Variants in MAP3K1 observed in about 807,000 individuals in gnomAD.
MAP3K1 encodes the protein mitogen-activated protein kinase kinase kinase 1.
A neutral mutation model predicts 144.2 loss-of-function variants in MAP3K1; 36 were observed. That is an observed-to-expected ratio of 0.25 (90% CI 0.19 to 0.33). MAP3K1 has a LOEUF of 0.33. MAP3K1 is among the 10% of genes least tolerant of loss of function. MAP3K1 has a pLI of 1.00. For missense variants in MAP3K1, 1,650 were observed against 1,881.9 expected, an observed-to-expected ratio of 0.88 and a Z score of 2.28; for synonymous variants, 718 against 688.7, an observed-to-expected ratio of 1.04 and a Z score of -0.67.
chr5:56,842,781 T>C (rs1371696796), intron 1 of MAP3K1, among the ~76,000 whole-genome samples: 1 of 152,288 alleles, frequency 6.6e-6, no homozygotes, highest in Non-Finnish European at 1.5e-5. Context: ...ATATATTAAT[T>C]TATTTAATCC....
intron 6 of MAP3K1, among the ~76,000 whole-genome samples, chr5:56,871,199 A>G (rs761007149): frequency 4.5e-4 from 68 of 152,068 alleles, no homozygotes; most frequent in African/African-American, 1.5e-3. Flanking sequence ...GACCTCATTT[A>G]TGGATTTCTC....
intron 1 of MAP3K1, among the ~76,000 whole-genome samples, chr5:56,845,225 T>C (rs947470948): frequency 1.3e-5 from 2 of 152,250 alleles, no homozygotes; most frequent in African/African-American, 2.4e-5. Context: ...CAGACCACTT[T>C]CGTAAGTATG....
intron 2 of MAP3K1, 111 bp from the exon 3 acceptor site, chr5:56,859,604 A>G (rs1385981413): frequency 2.7e-6 from 2 of 748,874 alleles, no homozygotes; most frequent in Non-Finnish European, 4.6e-6. Context: ...GTATACTGGT[A>G]TAATATTTCA....
In MAP3K1 at chr5:56,882,542, C is replaced by G. The variant is rs1288201925; in HGVS notation, c.3342C>G (p.Thr1114=). The G allele has an allele frequency of 1.2e-6, 2 of 1,614,052 alleles. No individual in the cohort carries two copies. The highest frequency in any genetic ancestry group is 2.2e-5 in the South Asian group (2 of 91,080). ...AVIPSDETVF[T]PVEEKCRLDV... Reference sequence around the variant, plus strand: ...TACCCAGTGACGAGACAGTGTTCACCCCAGTAGAGGAGAAATGCAGATTAG... The same window carrying G: ...TACCCAGTGACGAGACAGTGTTCACGCCAGTAGAGGAGAAATGCAGATTAG... The change falls in exon 14 of 20, where the codon ACC becomes ACG. Residue 1114 remains threonine (T), a synonymous_variant. Transcript: ENST00000399503.
At chr5:56,861,743 TC>T (rs1246538682) in intron 3 of MAP3K1, among the ~76,000 whole-genome samples, 1 of 152,060 alleles carries the variant, frequency 6.6e-6, no homozygotes, top group African/African-American at 2.4e-5. Context: ...AAGCTAAACA[TC>T]AAAGAAATTT....
At chr5:56,835,925 T>C (rs1374424283) in intron 1 of MAP3K1, among the ~76,000 whole-genome samples, 1 of 152,126 alleles carries the variant, frequency 6.6e-6, no homozygotes, top group Non-Finnish European at 1.5e-5. Context: ...TTAGAAATGT[T>C]TGTGTTCTCT....
intron 6 of MAP3K1, 80 bp from the exon 7 acceptor site, chr5:56,871,830 C>T (rs999385805): frequency 5.3e-6 from 7 of 1,325,790 alleles, no homozygotes; most frequent in Middle Eastern, 1.9e-4. Flanking sequence ...ATATTCTAAG[C>T]AAGCAGAAAG....
intron 14 of MAP3K1, among the ~76,000 whole-genome samples, chr5:56,883,247 A>G (rs1266310620): frequency 6.6e-6 from 1 of 152,244 alleles, no homozygotes; most frequent in Non-Finnish European, 1.5e-5. Context: ...TGCTGCTTCT[A>G]ACATTCAGAA....
intron 1 of MAP3K1, among the ~76,000 whole-genome samples, chr5:56,844,415 G>T (rs576584947): frequency 6.6e-6 from 1 of 151,896 alleles, no homozygotes; most frequent in Non-Finnish European, 1.5e-5. Context: ...TCCTGACCTC[G>T]TGATCCGCCC....
chr5:56,889,140 C>G (rs1579787412), intron 19 of MAP3K1, among the ~76,000 whole-genome samples: 1 of 152,102 alleles, frequency 6.6e-6, no homozygotes, highest in South Asian at 2.1e-4. Flanking sequence ...ATCTTAAAAT[C>G]TAATTTACCA....
rs1746499939 is a variant in MAP3K1, at chr5:56,831,716, A to G, written c.482+15661A>G. 2.6e-5 allele frequency among the ~76,000 whole-genome samples: 4 copies of G among 152,244 alleles called. No homozygotes were observed. In the South Asian group the frequency reaches 8.3e-4, roughly 32 times the overall value. ...CTAATGCAAAAATTAAATGAATTCC[A>G]TGAGAATTCTTTTTTGACCTCACAA... is the stretch of plus-strand genomic sequence containing the variant. On this transcript the variant is annotated intron_variant, in intron 1 of 19. Coordinates refer to ENST00000399503, the MANE Select transcript of MAP3K1 (RefSeq NM_005921.2).
At chr5:56,819,504 T>G (rs1746090242) in intron 1 of MAP3K1, among the ~76,000 whole-genome samples, 1 of 152,078 alleles carries the variant, frequency 6.6e-6, no homozygotes. Context: ...ACTGGCTGTG[T>G]GCATCCCAAA....
rs1748620497 is a variant in MAP3K1, at chr5:56,893,735, A to C, written c.*55A>C. ...CAGGATGCTCAACAAGAGAAAAAAA[A>C]CTTGTGGGGAACCACATTGATATTC... is the stretch of plus-strand genomic sequence containing the variant. On this transcript the variant is annotated 3_prime_UTR_variant, in exon 20 of 20. Coordinates refer to ENST00000399503, the MANE Select transcript of MAP3K1 (RefSeq NM_005921.2). 6.3e-7 allele frequency: 1 copy of C among 1,590,190 alleles called. No homozygotes were observed. The highest frequency in any genetic ancestry group is 8.6e-7 in the Non-Finnish European group (1 of 1,162,676).
At chr5:56,874,187 T>C (rs906369512) in intron 9 of MAP3K1, among the ~76,000 whole-genome samples, 1 of 152,204 alleles carries the variant, frequency 6.6e-6, no homozygotes. Context: ...ACAAAACATA[T>C]GTAAATAAGT....
At chr5:56,845,324 A>T (rs548427869) in intron 1 of MAP3K1, among the ~76,000 whole-genome samples, 2 of 152,270 alleles carry the variant, frequency 1.3e-5, no homozygotes, top group African/African-American at 4.8e-5. Context: ...ATAGGAGAAA[A>T]CATACACTGC....
At chr5:56,879,248 C>A in intron 11 of MAP3K1, 147 bp downstream of exon 11, 3 of 1,174,868 alleles carry the variant, frequency 2.6e-6, no homozygotes, top group East Asian at 2.4e-5. Flanking sequence ...AATGAAAATG[C>A]AGCATAAAGC....
intron 1 of MAP3K1, among the ~76,000 whole-genome samples, chr5:56,824,799 G>A (rs1016087585): frequency 1.3e-5 from 2 of 152,120 alleles, no homozygotes; most frequent in African/African-American, 2.4e-5. Context: ...GCTGCTTACC[G>A]AATGTCTTAT....
chr5:56,817,141 G>A (rs1746002817), intron 1 of MAP3K1: 1 of 982,220 alleles, frequency 1.0e-6, no homozygotes, highest in Non-Finnish European at 1.2e-6. Flanking sequence ...CGGTTTATTG[G>A]CCTCGCCCAT....
At chr5:56,859,047 A>G (rs1355528278) in intron 2 of MAP3K1, among the ~76,000 whole-genome samples, 1 of 139,150 alleles carries the variant, frequency 7.2e-6, no homozygotes, top group Admixed American at 7.4e-5. Context: ...TGGCTAGATT[A>G]GGTCTGAAAG....
Sources: allele counts gnomAD v4.1 joint callset (sites outside exome capture counted in the v4.1 genomes callset), GRCh38; gene constraint gnomAD v4.1.1; transcripts MANE v1.5; gene names NCBI Gene and HGNC (gene_info 2026-07-23, HGNC 2026-07-21).